HKDC1: variants seen among roughly 807,000 people sequenced by gnomAD.
The protein encoded by HKDC1 is hexokinase HKDC1.
Under a neutral mutation model 96.6 loss-of-function variants are expected in HKDC1, and 66 were observed. The ratio of observed to expected loss-of-function variants is 0.68; its 90% CI spans 0.56 to 0.84. The LOEUF (loss-of-function observed/expected upper bound fraction) is 0.84, where lower values mean the gene tolerates loss of function less well. Among genes scored for constraint, HKDC1 ranks in the 40% least tolerant of loss-of-function variants. The probability of loss-of-function intolerance (pLI) is 0.00; values close to 1 mark genes in which losing one functional copy is unlikely to be tolerated. For synonymous variants in HKDC1, 466 were observed against 473.1 expected (o/e 0.98, Z 0.20); for missense variants, 1,211 against 1,208.1 (o/e 1.00, Z -0.04).
In HKDC1 at chr10:69,261,555, T is replaced by G. The variant is rs1456270656; in HGVS notation, c.2372+261T>G. The G allele has an allele frequency of 7.7e-6, 3 of 387,426 alleles. No homozygotes were observed. In the East Asian group the frequency reaches 1.2e-4, roughly 16 times the overall value. The allele number at this position is 387,426 out of a possible 1,614,324, so 24.0% of individuals were successfully genotyped here. A position where few individuals can be genotyped will look rare whatever the true frequency, so the allele number is the denominator to read the frequency against. ...GCTAATTTGAAACAAACCCCACATC[T>G]TACATCAGTTCATCTATAAATATTT... is the stretch of plus-strand genomic sequence containing the variant. On this transcript the variant is annotated intron_variant, in intron 16 of 17. Coordinates refer to ENST00000354624, the MANE Select transcript of HKDC1 (RefSeq NM_025130.4).
chr10:69,258,924 G>T lies in HKDC1; in HGVS notation c.2181G>T (p.Glu727Asp), dbSNP rs1170346556. 5.0e-6 allele frequency: 8 copies of T among 1,597,972 alleles called. No homozygotes were observed. The highest frequency in any genetic ancestry group is 6.8e-6 in the Non-Finnish European group (8 of 1,172,384). The change falls in exon 15 of 18, where the codon GAG becomes GAT. Residue 727 changes from glutamate (E) to aspartate (D), a missense_variant. By Grantham distance (45) the Glu-to-Asp change is conservative. Coordinates refer to ENST00000354624, the MANE Select transcript of HKDC1 (RefSeq NM_025130.4). ...ACATCTGGACCCGATACGACACGGA[G>T]GTGGATGAGGGGTCCTTGAATCCTG... ...IDDIWTRYDT[E>D]VDEGSLNPGK... is the part of the protein sequence containing the mutation.
intron 9 of HKDC1, among the ~76,000 whole-genome samples, chr10:69,248,124 C>G (rs1402783620): frequency 6.6e-6 from 1 of 152,190 alleles, no homozygotes; most frequent in East Asian, 1.9e-4. Flanking sequence ...CTGGAAAGAG[C>G]TGAGAAAGAA....
At chr10:69,249,006 C>CT in intron 10 of HKDC1, 1 of 244,048 alleles carries the variant, frequency 4.1e-6, no homozygotes, top group Non-Finnish European at 7.8e-6. Flanking sequence ...CATGAGTGTA[C>CT]CCCCCCCGAC....
chr10:69,265,308 C>T (rs1843877763), intron 16 of HKDC1: 1 of 411,814 alleles, frequency 2.4e-6, no homozygotes, highest in Non-Finnish European at 4.4e-6. Context: ...GTGTTGGTTG[C>T]TGCAGCTCAT....
chr10:69,248,818 C>T (rs1451474465), intron 10 of HKDC1, 90 bp downstream of exon 10: 36 of 1,241,616 alleles, frequency 2.9e-5, no homozygotes, highest in Non-Finnish European at 3.8e-5. Flanking sequence ...TTTTTAGAAA[C>T]TTGGGTTCAC....
At chr10:69,227,493 C>T (rs1843179160) in intron 2 of HKDC1, 124 bp downstream of exon 2, 1 of 991,012 alleles carries the variant, frequency 1.0e-6, no homozygotes, top group Non-Finnish European at 1.5e-6. Context: ...GTCCCACCCT[C>T]CCTGCCCCTC....
intron 1 of HKDC1, among the ~76,000 whole-genome samples, chr10:69,224,936 C>G (rs1407073900): frequency 6.6e-6 from 1 of 152,222 alleles, no homozygotes; most frequent in Non-Finnish European, 1.5e-5. Context: ...ACATACCCCA[C>G]ATGACTTGTT....
chr10:69,261,029 G>A lies in HKDC1; in HGVS notation c.2217-110G>A, dbSNP rs1843797950. The A allele has an allele frequency of 3.2e-6, 3 of 945,826 alleles. No individual in the cohort carries two copies. The East Asian group carries it at 7.4e-5, about 23-fold the overall frequency. 58.6% of individuals were successfully genotyped at this position (945,826 alleles called of 1,614,324 possible). A position where few individuals can be genotyped will look rare whatever the true frequency, so the allele number is the denominator to read the frequency against. On this transcript the variant is annotated intron_variant, in intron 15 of 17. Coordinates refer to ENST00000354624, the MANE Select transcript of HKDC1 (RefSeq NM_025130.4). ...CATCAAGCAGCTAGTATGTGGCAGA[G>A]CTAGGATCTGGATCTTGCTCCATGC...
chr10:69,262,057 G>T, intron 16 of HKDC1: 2 of 422,568 alleles, frequency 4.7e-6, no homozygotes, highest in South Asian at 1.7e-5. Context: ...CTTTCTTTTA[G>T]GATGTTATCA....
chr10:69,248,430 A>C lies in HKDC1; in HGVS notation c.1272A>C (p.Pro424=). Residue 424 remains proline, a synonymous_variant, in exon 10 of 18, where the codon CCA becomes CCC. Transcript: ENST00000354624. ...GTLYKIHPQY[P]KRLHKVVRKL... ...GCCATCACCCCTGCTTCAGGTACCC[A>C]AAACGCCTGCACAAGGTGGTGAGGA... 6.4e-7 allele frequency: 1 copy of C among 1,553,548 alleles called. No homozygotes were observed. Among genetic ancestry groups the C allele is most frequent in the Non-Finnish European group, 8.7e-7 (1 of 1,147,420 alleles).
At chr10:69,256,928 G>A (rs770375466) in intron 12 of HKDC1, 108 bp from the exon 13 acceptor site, 44 of 809,868 alleles carry the variant, frequency 5.4e-5, no homozygotes, top group African/African-American at 1.0e-4. Flanking sequence ...AAAAGCACAC[G>A]TACTTGACAA....
At chr10:69,251,296 A>G (rs1296301723) in intron 12 of HKDC1, among the ~76,000 whole-genome samples, 5 of 151,864 alleles carry the variant, frequency 3.3e-5, no homozygotes, top group Non-Finnish European at 7.4e-5. Context: ...GGGTTTCACC[A>G]TGTTGGCAAG....
chr10:69,221,162 C>T (rs1305093895), intron 1 of HKDC1, among the ~76,000 whole-genome samples: 1 of 151,854 alleles, frequency 6.6e-6, no homozygotes, highest in Non-Finnish European at 1.5e-5. Flanking sequence ...AAAAAAAGAA[C>T]TGTTGGGGCA....
intron 1 of HKDC1, among the ~76,000 whole-genome samples, chr10:69,223,951 G>A (rs1320333905): frequency 1.3e-5 from 2 of 150,248 alleles, no homozygotes; most frequent in African/African-American, 2.4e-5. Context: ...GCTCATGCCT[G>A]TAATCCCAGC....
At position 69,261,253 on chromosome 10, in the gene HKDC1, C is replaced by G. The variant is rs1344951658; in HGVS notation, c.2331C>G (p.Thr777=). Residue 777 remains threonine, a synonymous_variant, in exon 16 of 18, where the codon ACC becomes ACG. Transcript: ENST00000354624. The stretch of plus-strand genomic sequence containing the variant: ...GGCAGATTTCAGAGCGTCTCCGGAC[C>G]AGGGGCATCTTCGAAACCAAGTTCC... ...FRGQISERLR[T]RGIFETKFLS... is the part of the protein sequence containing the mutation. 6.2e-7 allele frequency: 1 copy of G among 1,614,168 alleles called. No individual in the cohort carries two copies. The highest frequency in any genetic ancestry group is 8.5e-7 in the Non-Finnish European group (1 of 1,180,022).
At chr10:69,265,927 T>C (rs879156159) in intron 17 of HKDC1, 109 bp downstream of exon 17, 1 of 787,508 alleles carries the variant, frequency 1.3e-6, no homozygotes, top group South Asian at 1.6e-5. Flanking sequence ...ATCCCCGTCC[T>C]TTTATGGGAA....
chr10:69,236,868 T>G (rs1843370573), intron 4 of HKDC1, among the ~76,000 whole-genome samples: 2 of 152,200 alleles, frequency 1.3e-5, no homozygotes. Flanking sequence ...TTTATAAAAT[T>G]TCCTCGCAAA....
chr10:69,238,344 C>T (rs1288700940), intron 4 of HKDC1, among the ~76,000 whole-genome samples: 4 of 151,474 alleles, frequency 2.6e-5, no homozygotes, highest in Non-Finnish European at 4.4e-5. Flanking sequence ...ATGCATTCTG[C>T]ATGTATAATA....
At chr10:69,249,788 C>T (rs1236550508) in intron 10 of HKDC1, among the ~76,000 whole-genome samples, 4 of 152,170 alleles carry the variant, frequency 2.6e-5, no homozygotes, top group African/African-American at 7.2e-5. Flanking sequence ...CGTGAGCCAC[C>T]GCGCCAGACC....
Sources: gnomAD v4.1 joint callset for allele counts (sites outside exome capture counted in the v4.1 genomes callset) on GRCh38, gnomAD v4.1.1 for gene constraint, MANE v1.5 for transcripts, NCBI Gene and HGNC (gene_info 2026-07-23, HGNC 2026-07-21) for gene names.